SEPTIN7: variants seen among roughly 807,000 people sequenced by gnomAD.
SEPTIN7 encodes septin-7.
In SEPTIN7, 10 loss-of-function variants were observed where a neutral mutation model predicts 63.3. The observed-to-expected ratio is 0.16, with a 90% CI of 0.10 to 0.27. SEPTIN7 has a LOEUF of 0.27. Among genes scored for constraint, SEPTIN7 ranks in the 10% least tolerant of loss-of-function variants. The pLI is 1.00. For missense variants in SEPTIN7, 310 were observed against 521.0 expected (o/e 0.59, Z 3.94); for synonymous variants, 131 against 165.3 (o/e 0.79, Z 1.59).
chr7:35,883,888 T>C lies in SEPTIN7; in HGVS notation c.724-3T>C, dbSNP rs1341793251. The C allele has an allele frequency of 6.4e-7, 1 of 1,572,510 alleles. No individual in the cohort carries two copies. The highest frequency in any genetic ancestry group is 8.7e-7 in the Non-Finnish European group (1 of 1,144,826). ...ATTTGAACAAGAATACTTTGTTTTA[T>C]AGGACCGTTTACCTCTTGCTGTGGT... On this transcript the variant is annotated splice_region_variant and splice_polypyrimidine_tract_variant and intron_variant, in intron 8 of 13. Transcript: ENST00000350320.
intron 4 of SEPTIN7, 77 bp from the exon 5 acceptor site, chr7:35,872,589 C>A: frequency 9.3e-7 from 1 of 1,072,118 alleles, no homozygotes; most frequent in Non-Finnish European, 1.4e-6. Context: ...TAAACTCGAA[C>A]GTCCCTACCA....
intron 3 of SEPTIN7, among the ~76,000 whole-genome samples, chr7:35,837,194 C>T (rs554187881): frequency 2.0e-5 from 3 of 151,940 alleles, no homozygotes; most frequent in African/African-American, 2.4e-5. Context: ...AAAAGCAAAA[C>T]GAAAATAAAT....
chr7:35,805,498 A>G (rs1213321403), intron 1 of SEPTIN7, among the ~76,000 whole-genome samples: 1 of 152,236 alleles, frequency 6.6e-6, no homozygotes, highest in African/African-American at 2.4e-5. Flanking sequence ...ATAAACTGAT[A>G]ATTCACAGAC....
the SEPTIN7 span, among the ~76,000 whole-genome samples, chr7:35,914,764 A>G: frequency 6.6e-6 from 1 of 151,914 alleles, no homozygotes; most frequent in African/African-American, 2.4e-5. Context: ...CCAATTCCTT[A>G]CAATAAATCT....
At chr7:35,811,409 G>A (rs1349956028) in intron 1 of SEPTIN7, among the ~76,000 whole-genome samples, 2 of 152,006 alleles carry the variant, frequency 1.3e-5, no homozygotes, top group Non-Finnish European at 2.9e-5. Context: ...TTAGCCACAA[G>A]GGGAAAAATA....
chr7:35,811,879 T>G (rs1250494633), intron 1 of SEPTIN7, among the ~76,000 whole-genome samples: 2 of 151,982 alleles, frequency 1.3e-5, no homozygotes, highest in African/African-American at 4.8e-5. Context: ...AAAATTAGCT[T>G]CCTGCAGTGG....
intron 7 of SEPTIN7, among the ~76,000 whole-genome samples, chr7:35,881,923 C>T (rs942966684): frequency 6.6e-6 from 1 of 151,900 alleles, no homozygotes; most frequent in Non-Finnish European, 1.5e-5. Context: ...TGTGTTTTCT[C>T]CCTGTGTCCT....
intron 6 of SEPTIN7, chr7:35,879,597 G>A (rs1786706573): frequency 8.4e-6 from 3 of 355,234 alleles, no homozygotes; most frequent in South Asian, 1.7e-4. Context: ...CCTCTTTAGG[G>A]CCAAAACCCT....
Position 35,801,279 on chromosome 7 carries a change from C to G in SEPTIN7, c.61+9C>G, listed in dbSNP as rs753329350. On this transcript the variant is annotated intron_variant, in intron 1 of 13. Coordinates refer to ENST00000350320, the MANE Select transcript of SEPTIN7 (RefSeq NM_001788.6). The stretch of plus-strand genomic sequence containing the variant: ...CAACAGCAGCACCATGGGTGAGTCT[C>G]AGCTTCGGGTGCCGCGACTTGGGGT... 1 of 1,373,696 alleles carries G rather than the reference C, an allele frequency of 7.3e-7. No individual in the cohort carries two copies. The highest frequency in any genetic ancestry group is 9.3e-7 in the Non-Finnish European group (1 of 1,069,572). 85.1% of individuals were successfully genotyped at this position (1,373,696 alleles called of 1,614,324 possible).
At chr7:35,899,890 A>G (rs1391522373) in intron 12 of SEPTIN7, 2 of 152,138 alleles carry the variant, frequency 1.3e-5, no homozygotes, top group African/African-American at 2.4e-5. Context: ...TCTCAAAATT[A>G]TATACATATA....
chr7:35,813,543 T>C lies in SEPTIN7; in HGVS notation c.61+12273T>C, dbSNP rs188317509. The stretch of plus-strand genomic sequence containing the variant: ...CGTGTGCCACCATGCCTGGCTAATT[T>C]TTTTGTATTTTTGTAGGCATGGGGT... On this transcript the variant is annotated intron_variant, in intron 1 of 13. Coordinates refer to ENST00000350320, the MANE Select transcript of SEPTIN7 (RefSeq NM_001788.6). Among the ~76,000 whole-genome samples, 195 of 152,216 alleles carry C rather than the reference T, an allele frequency of 1.3e-3. 1 individual carries two copies. The highest frequency in any genetic ancestry group is 2.1e-3 in the Non-Finnish European group (143 of 67,994).
chr7:35,822,854 C>G (rs371973184), intron 1 of SEPTIN7, among the ~76,000 whole-genome samples: 19 of 152,304 alleles, frequency 1.2e-4, no homozygotes, highest in African/African-American at 4.6e-4. Flanking sequence ...TTTTCAGCTA[C>G]CACACCCCTG....
At chr7:35,879,774 G>T in intron 6 of SEPTIN7, 49 bp from the exon 7 acceptor site, 1 of 1,019,974 alleles carries the variant, frequency 9.8e-7, no homozygotes, top group South Asian at 1.4e-5. Flanking sequence ...GAAGAATCTT[G>T]TTCTCCCAAA....
At chr7:35,872,303 C>T (rs1186819984) in intron 4 of SEPTIN7, among the ~76,000 whole-genome samples, 1 of 152,148 alleles carries the variant, frequency 6.6e-6, no homozygotes, top group African/African-American at 2.4e-5. Context: ...TATTAAATCA[C>T]TCAAACTGCT....
At chr7:35,817,814 T>G (rs1166038069) in intron 1 of SEPTIN7, among the ~76,000 whole-genome samples, 1 of 152,038 alleles carries the variant, frequency 6.6e-6, no homozygotes, top group Non-Finnish European at 1.5e-5. Context: ...GAATTTTTTC[T>G]TAATTTTTTT....
intron 6 of SEPTIN7, among the ~76,000 whole-genome samples, chr7:35,878,520 A>G (rs1403024068): frequency 6.6e-6 from 1 of 152,212 alleles, no homozygotes; most frequent in Non-Finnish European, 1.5e-5. Context: ...TGGTCAGGTC[A>G]TAACTCCATA....
rs928654513 is a variant in SEPTIN7 at position 35,882,580 on chromosome 7, G to T, written c.723+4G>T. On this transcript the variant is annotated splice_donor_region_variant and intron_variant, in intron 8 of 13. Transcript: ENST00000350320. ...TAAACTTGTTAAAAAGATAAAGGTA[G>T]GTTCATCCCTGTACACACGCTAAAG... 6.8e-7 allele frequency: 1 copy of T among 1,465,648 alleles called. No homozygotes were observed. Among genetic ancestry groups the T allele is most frequent in the Non-Finnish European group, 9.1e-7 (1 of 1,100,350 alleles). 90.8% of individuals were successfully genotyped at this position (1,465,648 alleles called of 1,614,324 possible).
At chr7:35,879,143 CTG>C (rs1263867456) in intron 6 of SEPTIN7, among the ~76,000 whole-genome samples, 1 of 152,030 alleles carries the variant, frequency 6.6e-6, no homozygotes, top group Admixed American at 6.6e-5. Flanking sequence ...CAGAGGCAAA[CTG>C]GAGGCAGCAG....
chr7:35,851,377 A>G (rs937987647), intron 3 of SEPTIN7, among the ~76,000 whole-genome samples: 12 of 152,286 alleles, frequency 7.9e-5, no homozygotes, highest in Non-Finnish European at 1.6e-4. Flanking sequence ...TGATAATGAC[A>G]TTGTTGCAAA....
Sources: gnomAD v4.1 joint callset for allele counts (sites outside exome capture counted in the v4.1 genomes callset) on GRCh38, gnomAD v4.1.1 for gene constraint, MANE v1.5 for transcripts, NCBI Gene and HGNC (gene_info 2026-07-23, HGNC 2026-07-21) for gene names.